The following SCRN2 variants were observed in gnomAD, a reference collection of about 807,000 sequenced individuals.
SCRN2 encodes the protein secernin 2, also known as secernin-2.
In SCRN2, 30 loss-of-function variants were observed where a neutral mutation model predicts 40.1. The ratio of observed to expected loss-of-function variants is 0.75; its 90% confidence interval spans 0.56 to 1.01. SCRN2 has a LOEUF of 1.01. Among genes scored for constraint, SCRN2 ranks in the 50% least tolerant of loss-of-function variants. The probability of loss-of-function intolerance (pLI) is 0.00; values close to 1 mark genes in which losing one functional copy is unlikely to be tolerated. For synonymous variants in SCRN2, 240 were observed against 233.5 expected, an observed-to-expected ratio of 1.03 and a Z score of -0.25; for missense variants, 526 against 564.9, an observed-to-expected ratio of 0.93 and a Z score of 0.70.
intron 3 of SCRN2, 126 bp from the exon 4 acceptor site, chr17:47,839,769 G>C (rs190796917): frequency 4.3e-6 from 4 of 924,958 alleles, no homozygotes; most frequent in African/African-American, 3.3e-5. Flanking sequence ...CAGCAAATCT[G>C]CTGGCACTGA....
In SCRN2 at chr17:47,839,038, C is replaced by T. The variant is rs1415596071; in HGVS notation, c.557-32G>A. 2.5e-6 allele frequency: 4 copies of T among 1,606,500 alleles called. No homozygotes were observed. The African/African-American group carries it at 5.3e-5, about 21-fold the overall frequency. ...AGGAGATCGGGGAGTGGTTCATTTA[C>T]CATTGAGCATCTATTCTATGCCAGG... On this transcript the variant is annotated intron_variant, in intron 4 of 7. Coordinates refer to ENST00000290216, the MANE Select transcript of SCRN2 (RefSeq NM_138355.4).
At position 47,838,389 on chromosome 17, in the gene SCRN2, G is replaced by C. The variant is rs1421568428; in HGVS notation, c.1000C>G (p.Pro334Ala). The C allele has an allele frequency of 3.1e-6, 5 of 1,608,884 alleles. No homozygotes were observed. The highest frequency in any genetic ancestry group is 1.3e-5 in the African/African-American group (1 of 74,506). ...GVAQAPQVLS[P>A]TFGAQDPVRT... ...ACAGGGTCTTGTGCTCCAAAAGTGG[G>C]GGACAGCACCTGGGGGGCCTGGGCC... is the stretch of plus-strand genomic sequence containing the variant. The change falls in exon 7 of 8, where the codon CCC (proline) becomes GCC (alanine). Residue 334 changes from proline to alanine, a missense_variant. Coordinates refer to ENST00000290216, the MANE Select transcript of SCRN2 (RefSeq NM_138355.4).
chr17:47,839,152 A>T (rs2143624723), intron 4 of SCRN2, 146 bp from the exon 5 acceptor site: 1 of 819,322 alleles, frequency 1.2e-6, no homozygotes, highest in Non-Finnish European at 1.9e-6. Context: ...AGACAAAATA[A>T]TCACAGAGAT....
In SCRN2 at chr17:47,838,704, GGAGTA is replaced by G. The variant is rs1161787364; in HGVS notation, c.773-13_773-9del. ...CCTCTGCCGTGATGCCCCCTGCCAA[GGAGTA>G]GAGGGGGAAGCTGTGGGAGGGGAGA... is the stretch of plus-strand genomic sequence containing the variant. On this transcript the variant is annotated splice_polypyrimidine_tract_variant and intron_variant, in intron 5 of 7. Transcript: ENST00000290216. The G allele has an allele frequency of 1.9e-6, 3 of 1,612,934 alleles. No individual in the cohort carries two copies. Among genetic ancestry groups the G allele is most frequent in the Admixed American group, 1.7e-5 (1 of 60,006 alleles).
At chr17:47,839,807 C>G (rs2033785216) in intron 3 of SCRN2, 164 bp from the exon 4 acceptor site, 2 of 679,714 alleles carry the variant, frequency 2.9e-6, no homozygotes, top group South Asian at 1.8e-5. Context: ...ATGCCAGTGG[C>G]TTTCAATGCT....
In SCRN2 at chr17:47,838,973, A is replaced by G. The variant is rs770061842; in HGVS notation, c.590T>C (p.Ile197Thr). 4 of 1,614,026 alleles carry G rather than the reference A, an allele frequency of 2.5e-6. No homozygotes were observed. The highest frequency in any genetic ancestry group is 3.3e-5 in the Admixed American group (2 of 60,026). The change falls in exon 5 of 8, where the codon ATT (isoleucine) becomes ACT (threonine). Residue 197 changes from isoleucine to threonine, a missense_variant. By Grantham distance (89) the Ile-to-Thr change is moderately conservative (BLOSUM62 -1). Transcript: ENST00000290216. ...GTGTTGGGCCGAGATGTCCGTGCCA[A>G]TGCTCAGCTGGTTGGAGATGTTGCG... is the stretch of plus-strand genomic sequence containing the variant. ...GARNISNQLS[I>T]GTDISAQHPE...
At chr17:47,840,409 T>G (rs774909093) in intron 2 of SCRN2, 37 bp from the exon 3 acceptor site, 2 of 1,606,666 alleles carry the variant, frequency 1.2e-6, no homozygotes, top group African/African-American at 2.7e-5. Context: ...CGTCCACTCA[T>G]AGAGGGGCGG....
At chr17:47,840,879 C>T (rs1284670928) in intron 1 of SCRN2, 36 bp from the exon 2 acceptor site, 3 of 1,456,210 alleles carry the variant, frequency 2.1e-6, no homozygotes, top group Non-Finnish European at 1.8e-6. Flanking sequence ...ACCCTGGCCA[C>T]GGCTCAGCCC....
In SCRN2 at chr17:47,839,432, G is replaced by A. The variant is rs2033774635; in HGVS notation, c.556+12C>T. ...CCCACTTCCCAAAGCTGGGAGAAAGGGAACACCTCACCCTGGATCCTCTGT... is the reference window on the plus strand; with the variant it reads ...CCCACTTCCCAAAGCTGGGAGAAAGAGAACACCTCACCCTGGATCCTCTGT... On this transcript the variant is annotated intron_variant, in intron 4 of 7. Transcript: ENST00000290216. The A allele has an allele frequency of 2.5e-6, 4 of 1,611,066 alleles. No individual in the cohort carries two copies. Among genetic ancestry groups the A allele is most frequent in the Non-Finnish European group, 3.4e-6 (4 of 1,179,270 alleles).
intron 2 of SCRN2, 133 bp from the exon 3 acceptor site, chr17:47,840,505 G>A: frequency 8.0e-7 from 1 of 1,248,240 alleles, no homozygotes; most frequent in Non-Finnish European, 1.1e-6. Context: ...GGAAACTGAG[G>A]TAGACTGAGG....
chr17:47,840,256 G>A lies in SCRN2; in HGVS notation c.291C>T (p.Asn97=), dbSNP rs374764950. 7.4e-6 allele frequency: 12 copies of A among 1,613,996 alleles called. No individual in the cohort carries two copies. The highest frequency in any genetic ancestry group is 5.0e-5 in the Admixed American group (3 of 60,004). Residue 97 remains asparagine (N), a synonymous_variant, in exon 3 of 8, where the codon AAC becomes AAT. Coordinates refer to ENST00000290216, the MANE Select transcript of SCRN2 (RefSeq NM_138355.4). ...CTGGCTCCTTCGTCCACACAGCCTC[G>A]TTGCCAATGCAGACACCATGCTCGT... ...GANEHGVCIG[N]EAVWTKEPVG... is the part of the protein sequence containing the mutation.
chr17:47,838,338 G>GA lies in SCRN2; in HGVS notation c.1050dup (p.Gln351SerfsTer121). ...TAGAGGGTATGCCGACGATCTACCT[G>GA]AGTCTGGAATCGGGGCAGGGTCCGA... On this transcript the variant is annotated frameshift_variant, in exon 7 of 8. Transcript: ENST00000290216. LOFTEE classifies it high-confidence loss of function. The GA allele has an allele frequency of 5.0e-6, 8 of 1,608,558 alleles. No homozygotes were observed. Among genetic ancestry groups the GA allele is most frequent in the East Asian group, 4.5e-5 (2 of 44,696 alleles).
At chr17:47,838,221 G>C in intron 7 of SCRN2, 49 bp downstream of exon 7, 1 of 1,571,482 alleles carries the variant, frequency 6.4e-7, no homozygotes, top group Non-Finnish European at 8.6e-7. Flanking sequence ...ACTGGGAGTG[G>C]GGGAGGTCTA....
At chr17:47,840,005 C>A in intron 3 of SCRN2, 186 bp downstream of exon 3, 1 of 605,626 alleles carries the variant, frequency 1.7e-6, no homozygotes, top group Non-Finnish European at 2.9e-6. Context: ...TGCTCTATTT[C>A]TGGGCCAGGA....
At position 47,838,984 on chromosome 17, in the gene SCRN2, G is replaced by C. The variant is rs1160755914; in HGVS notation, c.579C>G (p.Asn193Lys). 1.2e-6 allele frequency: 2 copies of C among 1,614,028 alleles called. No individual in the cohort carries two copies. The highest frequency in any genetic ancestry group is 1.7e-6 in the Non-Finnish European group (2 of 1,180,036). The change falls in exon 5 of 8, where the codon AAC becomes AAG. Residue 193 changes from asparagine to lysine, a missense_variant. By Grantham distance (94) the Asn-to-Lys change is moderately conservative (BLOSUM62 0). Transcript: ENST00000290216. ...AGATGTCCGTGCCAATGCTCAGCTG[G>C]TTGGAGATGTTGCGGGCCCCCTCTG... ...RIQEGARNIS[N>K]QLSIGTDISA...
In SCRN2 at chr17:47,838,421, AT is replaced by A; in HGVS notation, c.967del (p.Met323TrpfsTer30). ...CACCTGGGGGGCCTGGGCCACCCCCATCCCGAAGATGAAAGGTTTGAACACA... is the reference window on the plus strand; with the variant it reads ...CACCTGGGGGGCCTGGGCCACCCCCACCCGAAGATGAAAGGTTTGAACACA... Reference protein sequence around the residue: ...RSVFKPFIFGMGVAQAPQVLS... With the variant: ...RSVFKPFIFGXGVAQAPQVLS... On this transcript the variant is annotated frameshift_variant, in exon 7 of 8. Coordinates refer to ENST00000290216, the MANE Select transcript of SCRN2 (RefSeq NM_138355.4). LOFTEE classifies it high-confidence loss of function. The A allele has an allele frequency of 6.2e-7, 1 of 1,611,748 alleles. No homozygotes were observed. The highest frequency in any genetic ancestry group is 8.5e-7 in the Non-Finnish European group (1 of 1,179,294).
At position 47,840,307 on chromosome 17, in the gene SCRN2, C is replaced by A. The variant is rs771969789; in HGVS notation, c.240G>T (p.Trp80Cys). ...TGGCGCCCATCTCAGCCCCCCATAG[C>A]CAAGAAGGACGGCTCAGAATCACAG... Reference protein sequence around the residue: ...THAVILSRPSWLWGAEMGANE... With the variant: ...THAVILSRPSCLWGAEMGANE... The change falls in exon 3 of 8, where the codon TGG (tryptophan) becomes TGT (cysteine). Residue 80 changes from tryptophan (W) to cysteine (C), a missense_variant. Transcript: ENST00000290216. The A allele has an allele frequency of 1.9e-6, 3 of 1,614,194 alleles. No individual in the cohort carries two copies. The highest frequency in any genetic ancestry group is 2.5e-6 in the Non-Finnish European group (3 of 1,180,036).
Position 47,838,930 on chromosome 17 carries a change from A to G in SCRN2, c.633T>C (p.His211=). The change falls in exon 5 of 8, where the codon CAT becomes CAC. Residue 211 remains histidine (H), a synonymous_variant. Coordinates refer to ENST00000290216, the MANE Select transcript of SCRN2 (RefSeq NM_138355.4). The part of the protein sequence containing the change: ...ISAQHPELRT[H]AQAKGWWDGQ... ...CATCCCACCAGCCCTTGGCCTGGGC[A>G]TGAGTCCGCAGCTCCGGGTGTTGGG... 6.2e-7 allele frequency: 1 copy of G among 1,614,070 alleles called. No individual in the cohort carries two copies. Among genetic ancestry groups the G allele is most frequent in the Non-Finnish European group, 8.5e-7 (1 of 1,180,040 alleles).
rs758870326 is a variant in SCRN2 at position 47,838,377 on chromosome 17, C to T, written c.1012G>A (p.Ala338Thr). Residue 338 changes from alanine (A) to threonine (T), a missense_variant, in exon 7 of 8, where the codon GCA becomes ACA. Ala to Thr is a moderately conservative substitution (Grantham distance 58). Coordinates refer to ENST00000290216, the MANE Select transcript of SCRN2 (RefSeq NM_138355.4). ...APQVLSPTFG[A>T]QDPVRTLPRF... ...GGCAGGGTCCGAACAGGGTCTTGTG[C>T]TCCAAAAGTGGGGGACAGCACCTGG... is the stretch of plus-strand genomic sequence containing the variant. 4 of 1,610,092 alleles carry T rather than the reference C, an allele frequency of 2.5e-6. No homozygotes were observed. The highest frequency in any genetic ancestry group is 2.2e-5 in the South Asian group (2 of 90,726).
Sources: allele counts gnomAD v4.1 joint callset, GRCh38; gene constraint gnomAD v4.1.1; transcripts MANE v1.5; gene names NCBI Gene and HGNC (gene_info 2026-07-23, HGNC 2026-07-21).